The following NT5C1A variants were observed in gnomAD, a reference collection of about 807,000 sequenced individuals.
The protein encoded by NT5C1A is 5'-nucleotidase, cytosolic IA.
A neutral mutation model predicts 31.0 loss-of-function variants in NT5C1A; 18 were observed. The observed-to-expected ratio is 0.58, with a 90% CI of 0.40 to 0.86. The LOEUF (loss-of-function observed/expected upper bound fraction) is 0.86, where lower values mean the gene tolerates loss of function less well. Ranked by LOEUF, NT5C1A falls within the 40% of genes least tolerant of loss-of-function variation. The pLI, the probability that NT5C1A is intolerant of heterozygous loss-of-function variation, is 0.00. For synonymous variants in NT5C1A, 185 were observed against 203.6 expected, an observed-to-expected ratio of 0.91 and a Z score of 0.78; for missense variants, 470 against 505.4, an observed-to-expected ratio of 0.93 and a Z score of 0.67.
Position 39,663,126 on chromosome 1 carries a change from A to G in NT5C1A, c.556+186T>C, listed in dbSNP as rs1293111194. ...GTAGGGCCAGATGTAGGAAGATGGAATGGGTAGGGCCTTGGTTTCAGAATT... is the reference window on the plus strand; with the variant it reads ...GTAGGGCCAGATGTAGGAAGATGGAGTGGGTAGGGCCTTGGTTTCAGAATT... On this transcript the variant is annotated intron_variant, in intron 4 of 5. Coordinates refer to ENST00000235628, the MANE Select transcript of NT5C1A (RefSeq NM_032526.3). Among the ~76,000 whole-genome samples the G allele has an allele frequency of 2.0e-5, 3 of 152,342 alleles. 1 individual carries two copies. The East Asian group carries it at 5.8e-4, about 29-fold the overall frequency.
At chr1:39,662,218 G>A (rs896402712) in intron 4 of NT5C1A, among the ~76,000 whole-genome samples, 2 of 152,160 alleles carry the variant, frequency 1.3e-5, no homozygotes, top group African/African-American at 4.8e-5. Flanking sequence ...GCTTTGGGAG[G>A]AGTGAGCAGT....
In NT5C1A at chr1:39,659,093, A is replaced by G. The variant is rs774002046; in HGVS notation, c.*28T>C. 3 of 1,560,964 alleles carry G rather than the reference A, an allele frequency of 1.9e-6. No individual in the cohort carries two copies. The highest frequency in any genetic ancestry group is 1.4e-5 in the African/African-American group (1 of 73,590). On this transcript the variant is annotated 3_prime_UTR_variant, in exon 6 of 6. Coordinates refer to ENST00000235628, the MANE Select transcript of NT5C1A (RefSeq NM_032526.3). Reference sequence around the variant, plus strand: ...GAAGTATGTCAGGGAGCCTGGAGCAATGTGGATCAGTAAAGCCGGTGGTTC... The same window carrying G: ...GAAGTATGTCAGGGAGCCTGGAGCAGTGTGGATCAGTAAAGCCGGTGGTTC...
Position 39,664,735 on chromosome 1 carries a change from C to T in NT5C1A, c.433+786G>A, listed in dbSNP as rs142647670. On this transcript the variant is annotated intron_variant, in intron 3 of 5. Coordinates refer to ENST00000235628, the MANE Select transcript of NT5C1A (RefSeq NM_032526.3). ...AACTCCGGACCTCAAGTGTTCCACC[C>T]GCCCTGGCCTCCCAAAGTGCTGGGA... Among the ~76,000 whole-genome samples, 1,458 of 151,158 alleles carry T rather than the reference C, an allele frequency of 9.6e-3. 95 individuals carry two copies. The highest frequency in any genetic ancestry group is 0.089 in the Admixed American group (1,347 of 15,152).
chr1:39,659,852 C>G (rs2124150165), intron 5 of NT5C1A, among the ~76,000 whole-genome samples: 1 of 152,250 alleles, frequency 6.6e-6, no homozygotes, highest in South Asian at 2.1e-4. Context: ...CATGGGCGCC[C>G]TCCAATCAGA....
In NT5C1A at chr1:39,659,015, A is replaced by C; in HGVS notation, c.*106T>G. ...ATCACTCATAGGGATGAGGGCAGAC[A>C]GGCAGAAGGACAGAACAGTGAGAAA... On this transcript the variant is annotated 3_prime_UTR_variant, in exon 6 of 6. Transcript: ENST00000235628. 7.1e-7 allele frequency: 1 copy of C among 1,412,600 alleles called. No homozygotes were observed. Among genetic ancestry groups the C allele is most frequent in the Non-Finnish European group, 9.5e-7 (1 of 1,053,012 alleles). 87.5% of individuals were successfully genotyped at this position (1,412,600 alleles called of 1,614,324 possible). A position where few individuals can be genotyped will look rare whatever the true frequency, so the allele number is the denominator to read the frequency against.
At position 39,654,091 on chromosome 1, in the gene NT5C1A, C is replaced by A. The variant is rs1222819755; in HGVS notation, c.*5030G>T. Among the ~76,000 whole-genome samples, 1 of 152,150 alleles carries A rather than the reference C, an allele frequency of 6.6e-6. No individual in the cohort carries two copies. Among genetic ancestry groups the A allele is most frequent in the Non-Finnish European group, 1.5e-5 (1 of 68,026 alleles). ...ATGATGGCTGTAGATGGGGCGTCTTCCATACTGTCTGTTCTTGCAGTGGAT... is the reference window on the plus strand; with the variant it reads ...ATGATGGCTGTAGATGGGGCGTCTTACATACTGTCTGTTCTTGCAGTGGAT... On this transcript the variant is annotated 3_prime_UTR_variant, in exon 6 of 6. Transcript: ENST00000235628.
chr1:39,672,078 C>T lies in NT5C1A; in HGVS notation c.-40G>A, dbSNP rs760237322. ...CCGGCCCGGCCAGAGCAGGCGGCGG[C>T]GTAGACGCGGAGGTGGCTGGGGCTG... On this transcript the variant is annotated 5_prime_UTR_variant, in exon 1 of 6. Coordinates refer to ENST00000235628, the MANE Select transcript of NT5C1A (RefSeq NM_032526.3). 5 of 1,506,422 alleles carry T rather than the reference C, an allele frequency of 3.3e-6. No homozygotes were observed. The highest frequency in any genetic ancestry group is 4.4e-6 in the Non-Finnish European group (5 of 1,135,480). 93.3% of individuals were successfully genotyped at this position (1,506,422 alleles called of 1,614,324 possible). A position where few individuals can be genotyped will look rare whatever the true frequency, so the allele number is the denominator to read the frequency against.
Position 39,659,385 on chromosome 1 carries a change from T to C in NT5C1A, c.843A>G (p.Thr281=). Residue 281 remains threonine (T), a synonymous_variant, in exon 6 of 6, where the codon ACA becomes ACG. Coordinates refer to ENST00000235628, the MANE Select transcript of NT5C1A (RefSeq NM_032526.3). ...LECPIRTYLV[T]ARSAASSGAR... is the part of the protein sequence containing the mutation. ...CCCCGGAACTGGCTGCACTGCGTGC[T>C]GTCACCAAGTAGGTACGAATTGGGC... The C allele has an allele frequency of 6.2e-7, 1 of 1,613,734 alleles. No homozygotes were observed. The highest frequency in any genetic ancestry group is 8.5e-7 in the Non-Finnish European group (1 of 1,180,000).
At chr1:39,666,397 C>T (rs545744135) in intron 1 of NT5C1A, among the ~76,000 whole-genome samples, 161 bp from the exon 2 acceptor site, 1 of 152,278 alleles carries the variant, frequency 6.6e-6, no homozygotes, top group African/African-American at 2.4e-5. Context: ...AGGTCAGGAC[C>T]CCATCTATGA....
chr1:39,666,370 T>C (rs1035194889), intron 1 of NT5C1A, 134 bp from the exon 2 acceptor site: 1 of 808,728 alleles, frequency 1.2e-6, no homozygotes. Flanking sequence ...GGCCCAGCCT[T>C]GAGCAGATGT....
At chr1:39,663,551 G>T in intron 3 of NT5C1A, 117 bp from the exon 4 acceptor site, 1 of 1,015,084 alleles carries the variant, frequency 9.9e-7, no homozygotes, top group Non-Finnish European at 1.5e-6. Context: ...AGCACAGCGT[G>T]TCTCAGTGTA....
At position 39,665,664 on chromosome 1, in the gene NT5C1A, G is replaced by A. The variant is rs1188055869; in HGVS notation, c.304-14C>T. The A allele has an allele frequency of 1.2e-6, 2 of 1,612,052 alleles. No homozygotes were observed. The highest frequency in any genetic ancestry group is 1.7e-6 in the Non-Finnish European group (2 of 1,179,536). ...GGCCTCCAGAGCCTGGAAAGGAGAG[G>A]GCACCCCCCAGCTTAGACCCCCAAG... On this transcript the variant is annotated splice_polypyrimidine_tract_variant and intron_variant, in intron 2 of 5. Transcript: ENST00000235628.
chr1:39,669,017 C>T (rs1465578114), intron 1 of NT5C1A, among the ~76,000 whole-genome samples: 4 of 152,212 alleles, frequency 2.6e-5, no homozygotes. Flanking sequence ...CCCTCCTGGG[C>T]CTGGCCGCAG....
In NT5C1A at chr1:39,654,332, T is replaced by G. The variant is rs533575870; in HGVS notation, c.*4789A>C. Among the ~76,000 whole-genome samples, 30 of 152,362 alleles carry G rather than the reference T, an allele frequency of 2.0e-4. No homozygotes were observed. Among genetic ancestry groups the G allele is most frequent in the African/African-American group, 6.0e-4 (25 of 41,590 alleles). On this transcript the variant is annotated 3_prime_UTR_variant, in exon 6 of 6. Transcript: ENST00000235628. Reference sequence around the variant, plus strand: ...ACCCTCTTCACGACGGACTTGTTCTTGCTTTCACAGAAAGTACATGGATGA... The same window carrying G: ...ACCCTCTTCACGACGGACTTGTTCTGGCTTTCACAGAAAGTACATGGATGA...
At chr1:39,661,401 G>T (rs1646492549) in intron 4 of NT5C1A, 138 bp from the exon 5 acceptor site, 6 of 494,508 alleles carry the variant, frequency 1.2e-5, no homozygotes, top group Non-Finnish European at 2.2e-5. Context: ...TTTAAAACTT[G>T]TAAAAACTGG....
intron 1 of NT5C1A, among the ~76,000 whole-genome samples, chr1:39,667,537 A>C (rs1646529851): frequency 6.6e-6 from 1 of 152,062 alleles, no homozygotes; most frequent in Admixed American, 6.6e-5. Context: ...TCATAAATGC[A>C]CCTTGCATTC....
chr1:39,660,215 G>A (rs1383926143), intron 5 of NT5C1A, among the ~76,000 whole-genome samples: 1 of 152,162 alleles, frequency 6.6e-6, no homozygotes, highest in African/African-American at 2.4e-5. Flanking sequence ...GATTCCCAAG[G>A]ATTTCAGAGG....
rs1009521922 is a variant in NT5C1A at position 39,653,514 on chromosome 1, T to C, written c.*5607A>G. ...CATCCATACACACAATCACAGTAAT[T>C]GCCGGCAAGAGCAATCGGCTCGTCA... On this transcript the variant is annotated 3_prime_UTR_variant, in exon 6 of 6. Transcript: ENST00000235628. Among the ~76,000 whole-genome samples the C allele has an allele frequency of 6.6e-6, 1 of 152,168 alleles. No homozygotes were observed. The highest frequency in any genetic ancestry group is 2.4e-5 in the African/African-American group (1 of 41,432).
intron 4 of NT5C1A, among the ~76,000 whole-genome samples, chr1:39,662,755 G>A (rs1270573485): frequency 6.6e-6 from 1 of 152,154 alleles, no homozygotes; most frequent in Non-Finnish European, 1.5e-5. Context: ...TGAGACTATG[G>A]ATACCACCCA....
Sources: allele counts gnomAD v4.1 joint callset (sites outside exome capture counted in the v4.1 genomes callset), GRCh38; gene constraint gnomAD v4.1.1; transcripts MANE v1.5; gene names NCBI Gene and HGNC (gene_info 2026-07-23, HGNC 2026-07-21).